Variants in ADGRG2 observed in about 807,000 individuals in gnomAD.
ADGRG2 encodes G protein-coupled receptor 64.
In ADGRG2, 26 loss-of-function variants were observed where a neutral mutation model predicts 74.1. That is an observed-to-expected ratio of 0.35 (90% CI 0.26 to 0.49). The LOEUF (loss-of-function observed/expected upper bound fraction) is 0.49. Ranked by LOEUF, ADGRG2 falls within the 20% of genes least tolerant of loss-of-function variation. ADGRG2 has a pLI of 0.99. For missense variants in ADGRG2, 619 were observed against 763.1 expected (o/e 0.81, Z 2.22); for synonymous variants, 296 against 295.2 (o/e 1.00, Z -0.03).
At chrX:19,017,528 A>G (rs966415220) in intron 15 of ADGRG2, among the ~76,000 whole-genome samples, 2 of 111,765 alleles carry the variant, frequency 1.8e-5, no homozygotes, top group African/African-American at 6.5e-5. Context: ...TCCGATCCCA[A>G]TGCTTCCAGA....
intron 1 of ADGRG2, among the ~76,000 whole-genome samples, chrX:19,109,745 C>A (rs760992219): frequency 1.8e-5 from 2 of 111,795 alleles, no homozygotes; most frequent in South Asian, 7.5e-4. Flanking sequence ...AAAATTTACA[C>A]GACAGAATCC....
chrX:19,075,447 G>A (rs992331779), intron 2 of ADGRG2, among the ~76,000 whole-genome samples: 17 of 107,564 alleles, frequency 1.6e-4, no homozygotes, highest in African/African-American at 4.7e-4. Context: ...CGGAACCCCC[G>A]TCTCTACCAA....
chrX:19,037,676 A>G, intron 4 of ADGRG2, 40 bp from the exon 5 acceptor site: 1 of 924,237 alleles, frequency 1.1e-6, no homozygotes, highest in South Asian at 2.3e-5. Flanking sequence ...TTTTGAAACG[A>G]TTATTTGTCA....
intron 1 of ADGRG2, among the ~76,000 whole-genome samples, chrX:19,102,462 C>T (rs912995253): frequency 4.5e-5 from 5 of 110,194 alleles, no homozygotes; most frequent in South Asian, 8.2e-4. Context: ...GCCCAGTGAC[C>T]TCATACTTTT....
intron 1 of ADGRG2, among the ~76,000 whole-genome samples, chrX:19,107,829 G>A (rs746857154): frequency 2.7e-5 from 3 of 109,318 alleles, no homozygotes; most frequent in South Asian, 3.9e-4. Context: ...GGCTGGGCGC[G>A]GTGGCTCACG....
In ADGRG2 at chrX:19,100,592, T is replaced by C. The variant is rs142439628; in HGVS notation, c.-46-17846A>G. 6.3e-4 allele frequency among the ~76,000 whole-genome samples: 72 copies of C among 113,492 alleles called. 1 individual carries two copies. In the East Asian group the frequency reaches 0.016, roughly 25 times the overall value. ...CAGACACCACCTAACACCATCTAAC[T>C]GACCGTGTATTTTACTCAAATACCG... On this transcript the variant is annotated intron_variant, in intron 1 of 28. Transcript: ENST00000379869.
chrX:19,026,419 C>T (rs140717362), intron 11 of ADGRG2, among the ~76,000 whole-genome samples: 11 of 111,067 alleles, frequency 9.9e-5, no homozygotes, highest in Non-Finnish European at 2.1e-4. Flanking sequence ...CTTTTGGTGA[C>T]GGACACAGTA....
chrX:19,008,149 T>A (rs1013124923), intron 18 of ADGRG2, 26 bp from the exon 19 acceptor site: 58 of 1,126,820 alleles, frequency 5.1e-5, no homozygotes, highest in Non-Finnish European at 6.6e-5. Context: ...AAGATAAGAA[T>A]AAATGTCTGG....
intron 13 of ADGRG2, 151 bp downstream of exon 13, chrX:19,023,265 G>C: frequency 2.4e-6 from 1 of 412,492 alleles, no homozygotes; most frequent in Non-Finnish European, 4.2e-6. Flanking sequence ...TCAGTGTTTA[G>C]AAAAATAAAA....
chrX:19,081,482 C>G (rs1569132366), intron 2 of ADGRG2, among the ~76,000 whole-genome samples: 1 of 111,459 alleles, frequency 9.0e-6, no homozygotes, highest in East Asian at 2.8e-4. Context: ...CCTCACCCAC[C>G]AGGGCCCACC....
intron 1 of ADGRG2, among the ~76,000 whole-genome samples, chrX:19,117,690 C>T (rs1271858222): frequency 1.8e-5 from 2 of 110,124 alleles, no homozygotes; most frequent in East Asian, 2.8e-4. Flanking sequence ...GGTGGTGCGC[C>T]GCCATAGTCC....
chrX:19,074,544 T>TTTCTTCTTTC (rs1569126714), intron 2 of ADGRG2, among the ~76,000 whole-genome samples: 2 of 71,702 alleles, frequency 2.8e-5, no homozygotes, highest in African/African-American at 1.3e-4. Context: ...GCGCATTTTC[T>TTTCTTCTTTC]TTCTTCTTCT....
intron 28 of ADGRG2, among the ~76,000 whole-genome samples, chrX:18,992,106 A>C (rs1183136831): frequency 9.0e-6 from 1 of 111,684 alleles, no homozygotes; most frequent in East Asian, 2.8e-4. Context: ...GGCAGCTCAG[A>C]ACTGAACTGT....
chrX:19,092,514 A>G (rs1293458275), intron 1 of ADGRG2, among the ~76,000 whole-genome samples: 1 of 110,707 alleles, frequency 9.0e-6, no homozygotes, highest in African/African-American at 3.3e-5. Context: ...GGGAGAGGAA[A>G]CCCAAACGGG....
In ADGRG2 at chrX:19,094,594, C is replaced by T. The variant is rs760330575; in HGVS notation, c.-46-11848G>A. ...GCGCCTCAGAAACTGGAAGTCAGTG[C>T]CATTCCCATCAGTGTTCCTACTGCC... is the stretch of plus-strand genomic sequence containing the variant. On this transcript the variant is annotated intron_variant, in intron 1 of 28. Coordinates refer to ENST00000379869, the MANE Select transcript of ADGRG2 (RefSeq NM_001079858.3). Among the ~76,000 whole-genome samples the T allele has an allele frequency of 5.3e-5, 6 of 112,278 alleles. No individual in the cohort carries two copies. In the South Asian group the frequency reaches 2.2e-3, roughly 42 times the overall value.
chrX:19,003,736 G>A (rs2060177033), intron 23 of ADGRG2, among the ~76,000 whole-genome samples: 1 of 111,712 alleles, frequency 9.0e-6, no homozygotes, highest in Non-Finnish European at 1.9e-5. Context: ...CTAAGCACTC[G>A]CCCTATTTCT....
chrX:19,120,622 GGGTT>G (rs1216740668), intron 1 of ADGRG2, among the ~76,000 whole-genome samples: 18 of 111,409 alleles, frequency 1.6e-4, no homozygotes, highest in Non-Finnish European at 2.6e-4. Context: ...ATCAAAAAAT[GGGTT>G]CTCTTTCCAC....
intron 3 of ADGRG2, among the ~76,000 whole-genome samples, chrX:19,047,890 C>T (rs1351578029): frequency 4.5e-5 from 5 of 111,390 alleles, no homozygotes; most frequent in Middle Eastern, 4.2e-3. Context: ...TGTTTACTCG[C>T]GCTGGGACAC....
At chrX:18,999,473 A>G (rs2060084853) in intron 25 of ADGRG2, among the ~76,000 whole-genome samples, 194 bp from the exon 26 acceptor site, 1 of 112,027 alleles carries the variant, frequency 8.9e-6, no homozygotes, top group South Asian at 3.7e-4. Flanking sequence ...TTATTTGAGG[A>G]CACTTGGTGA....
Sources: gnomAD v4.1 joint callset for allele counts (sites outside exome capture counted in the v4.1 genomes callset) on GRCh38, gnomAD v4.1.1 for gene constraint, MANE v1.5 for transcripts, NCBI Gene and HGNC (gene_info 2026-07-23, HGNC 2026-07-21) for gene names.